HGD: variants seen among roughly 807,000 people sequenced by gnomAD.
HGD encodes homogentisate 1,2-dioxygenase.
Under a neutral mutation model 60.8 loss-of-function variants are expected in HGD, and 61 were observed. The observed-to-expected ratio is 1.00, with a 90% CI of 0.82 to 1.24. HGD has a LOEUF of 1.24. Among genes scored for constraint, HGD ranks in the 50% most tolerant of loss-of-function variants. The probability of loss-of-function intolerance (pLI) is 0.00; values close to 1 mark genes in which losing one functional copy is unlikely to be tolerated. For missense variants in HGD, 542 were observed against 547.1 expected (o/e 0.99, Z 0.09); for synonymous variants, 212 against 187.7 (o/e 1.13, Z -1.06).
chr3:120,644,217 A>G, intron 10 of HGD, 102 bp downstream of exon 10: 1 of 1,378,792 alleles, frequency 7.3e-7, no homozygotes, highest in African/African-American at 1.4e-5. Context: ...GTATGATAAC[A>G]ACGAAAGGAT....
intron 9 of HGD, among the ~76,000 whole-genome samples, chr3:120,645,249 G>C (rs977659707): frequency 5.3e-5 from 8 of 152,192 alleles, no homozygotes; most frequent in African/African-American, 1.7e-4. Flanking sequence ...AGTGGGAAGA[G>C]TGGGAGGTGA....
In HGD at chr3:120,628,338, C is replaced by G; in HGVS notation, c.*42G>C. 6.2e-7 allele frequency: 1 copy of G among 1,602,966 alleles called. No individual in the cohort carries two copies. The highest frequency in any genetic ancestry group is 1.8e-4 in the Middle Eastern group (1 of 5,538). ...AGAAAGCATGAGATTCTGAAGAAAT[C>G]TTCACAAATCTACTCTTAATTATGG... On this transcript the variant is annotated 3_prime_UTR_variant, in exon 14 of 14. Coordinates refer to ENST00000283871, the MANE Select transcript of HGD (RefSeq NM_000187.4).
At chr3:120,658,394 C>T (rs142809824) in intron 4 of HGD, among the ~76,000 whole-genome samples, 3 of 152,180 alleles carry the variant, frequency 2.0e-5, no homozygotes, top group Non-Finnish European at 4.4e-5. Flanking sequence ...TTTTAAAGCT[C>T]CAAAAAAATC....
intron 6 of HGD, among the ~76,000 whole-genome samples, chr3:120,648,122 G>T (rs1306776328): frequency 1.3e-5 from 2 of 152,174 alleles, no homozygotes; most frequent in African/African-American, 4.8e-5. Context: ...CAATATCTTT[G>T]CAGACTGTAA....
intron 1 of HGD, among the ~76,000 whole-genome samples, chr3:120,679,628 T>A (rs1333445381): frequency 3.3e-5 from 5 of 152,138 alleles, no homozygotes; most frequent in African/African-American, 4.8e-5. Context: ...AGTGTCATTA[T>A]AAGAGGGAGG....
chr3:120,668,139 T>C (rs1455724201), intron 4 of HGD, among the ~76,000 whole-genome samples: 1 of 152,210 alleles, frequency 6.6e-6, no homozygotes, highest in Non-Finnish European at 1.5e-5. Flanking sequence ...CCAGGGAGGA[T>C]GTCTGCTTTA....
At chr3:120,680,353 G>T (rs1708209978) in intron 1 of HGD, among the ~76,000 whole-genome samples, 2 of 152,126 alleles carry the variant, frequency 1.3e-5, no homozygotes, top group African/African-American at 4.8e-5. Context: ...GGTTTTCTGT[G>T]TTCAGATTCC....
intron 2 of HGD, 116 bp downstream of exon 2, chr3:120,675,676 T>C (rs1197483049): frequency 1.3e-6 from 1 of 792,958 alleles, no homozygotes; most frequent in East Asian, 2.5e-5. Flanking sequence ...GGGAAACCTC[T>C]AGACAGTTCA....
chr3:120,670,901 G>A (rs1708012511), intron 3 of HGD, among the ~76,000 whole-genome samples: 1 of 152,194 alleles, frequency 6.6e-6, no homozygotes, highest in Admixed American at 6.5e-5. Context: ...GTGTATCATA[G>A]GATGCTAGTC....
At chr3:120,664,973 T>C (rs761839712) in intron 4 of HGD, among the ~76,000 whole-genome samples, 7 of 152,340 alleles carry the variant, frequency 4.6e-5, no homozygotes, top group Non-Finnish European at 4.4e-5. Flanking sequence ...TAGAGTCATC[T>C]GGGCAGGCTG....
At chr3:120,670,771 A>G (rs1014970638) in intron 3 of HGD, among the ~76,000 whole-genome samples, 2 of 152,180 alleles carry the variant, frequency 1.3e-5, no homozygotes, top group East Asian at 1.9e-4. Flanking sequence ...ACTCTGACTC[A>G]TGGTTATTTC....
chr3:120,650,615 C>T (rs1055388313), intron 6 of HGD, among the ~76,000 whole-genome samples, 159 bp downstream of exon 6: 1 of 152,104 alleles, frequency 6.6e-6, no homozygotes, highest in Non-Finnish European at 1.5e-5. Context: ...TTATCATTGT[C>T]AATAAATATA....
intron 10 of HGD, 120 bp from the exon 11 acceptor site, chr3:120,641,813 T>C: frequency 1.3e-6 from 1 of 768,584 alleles, no homozygotes; most frequent in Non-Finnish European, 2.3e-6. Context: ...CTCGATTTAA[T>C]TTTACCGTCC....
chr3:120,646,272 G>A lies in HGD; in HGVS notation c.644C>T (p.Pro215Leu), dbSNP rs1379184436. ...GVHFELPDLG[P>L]IGANGLANPR... Reference sequence around the variant, plus strand: ...GGCTTGTAATGAAGATTTACCAATTGGTCCAAGGTCAGGTAACTCAAAGTG... The same window carrying A: ...GGCTTGTAATGAAGATTTACCAATTAGTCCAAGGTCAGGTAACTCAAAGTG... Residue 215 changes from proline to leucine, a missense_variant, in exon 9 of 14, where the codon CCA (proline) becomes CTA (leucine). Physicochemically the swap from Pro to Leu is moderately conservative, Grantham distance 98 (BLOSUM62 -3). Around this residue, in one of 2 missense-constraint regions of HGD, gnomAD observed 537 missense variants for 529.1 expected, o/e 1.01. Transcript: ENST00000283871. 3 of 1,592,204 alleles carry A rather than the reference G, an allele frequency of 1.9e-6. No homozygotes were observed. The highest frequency in any genetic ancestry group is 4.5e-5 in the East Asian group (2 of 44,760).
intron 6 of HGD, among the ~76,000 whole-genome samples, chr3:120,650,005 G>A (rs575045297): frequency 2.2e-4 from 33 of 152,140 alleles, no homozygotes; most frequent in Non-Finnish European, 4.9e-4. Flanking sequence ...TAAGAATGAG[G>A]AAAGACAAGG....
At chr3:120,632,597 C>A (rs1940625305) in intron 13 of HGD, among the ~76,000 whole-genome samples, 2 of 152,200 alleles carry the variant, frequency 1.3e-5, no homozygotes, top group South Asian at 4.1e-4. Flanking sequence ...GGCTTTTTGA[C>A]CCTCCTTGGC....
chr3:120,680,304 A>G (rs1374061529), intron 1 of HGD, among the ~76,000 whole-genome samples: 1 of 152,246 alleles, frequency 6.6e-6, no homozygotes, highest in East Asian at 1.9e-4. Flanking sequence ...TTTAAAAATT[A>G]TATAATGTTT....
Position 120,650,763 on chromosome 3 carries a change from G to A in HGD, c.434+11C>T, listed in dbSNP as rs1941315359. The A allele has an allele frequency of 1.2e-6, 2 of 1,605,820 alleles. No homozygotes were observed. The highest frequency in any genetic ancestry group is 2.2e-5 in the East Asian group (1 of 44,854). On this transcript the variant is annotated intron_variant, in intron 6 of 13. Transcript: ENST00000283871. Reference sequence around the variant, plus strand: ...GATGGGCATGTCCTTCCCTAGAACTGAGCCACTTACCTGTTCTCCATGGAG... The same window carrying A: ...GATGGGCATGTCCTTCCCTAGAACTAAGCCACTTACCTGTTCTCCATGGAG...
At chr3:120,656,581 G>A (rs561822155) in intron 4 of HGD, among the ~76,000 whole-genome samples, 108 of 151,246 alleles carry the variant, frequency 7.1e-4, no homozygotes, top group Admixed American at 1.8e-3. Context: ...GGTTGGAGTC[G>A]CGCTCTGTTA....
Sources: gnomAD v4.1 joint callset for allele counts (sites outside exome capture counted in the v4.1 genomes callset) on GRCh38, gnomAD v4.1.1 for gene constraint, gnomAD v4.1.1 regional missense constraint, MANE v1.5 for transcripts, NCBI Gene and HGNC (gene_info 2026-07-23, HGNC 2026-07-21) for gene names.